ERC2: variants seen among roughly 807,000 people sequenced by gnomAD.
ERC2 encodes the protein ELKS/RAB6-interacting/CAST family member 2.
A neutral mutation model predicts 114.8 loss-of-function variants in ERC2; 42 were observed. The ratio of observed to expected loss-of-function variants is 0.37; its 90% CI spans 0.29 to 0.47. The LOEUF (loss-of-function observed/expected upper bound fraction) is 0.47, where lower values mean the gene tolerates loss of function less well. ERC2 is among the 20% of genes least tolerant of loss of function. ERC2 has a pLI of 0.99. For synonymous variants in ERC2, 454 were observed against 425.5 expected, an observed-to-expected ratio of 1.07 and a Z score of -0.82; for missense variants, 939 against 1,150.7, an observed-to-expected ratio of 0.82 and a Z score of 2.66.
At chr3:56,443,549 G>A (rs2062417689) in intron 1 of ERC2, among the ~76,000 whole-genome samples, 1 of 152,044 alleles carries the variant, frequency 6.6e-6, no homozygotes, top group South Asian at 2.1e-4. Flanking sequence ...GTTCCCCTAA[G>A]CCTCATAATT....
chr3:55,665,219 G>A (rs942704102), intron 17 of ERC2, among the ~76,000 whole-genome samples: 4 of 152,234 alleles, frequency 2.6e-5, no homozygotes, highest in Non-Finnish European at 4.4e-5. Flanking sequence ...TTCAAGCAGC[G>A]CTCTTTCCAC....
intron 1 of ERC2, among the ~76,000 whole-genome samples, chr3:56,459,163 C>G (rs1161507792): frequency 6.6e-6 from 1 of 152,188 alleles, no homozygotes; most frequent in Non-Finnish European, 1.5e-5. Context: ...CCACACCTAT[C>G]TTATTATAGA....
At chr3:56,413,095 G>C (rs945678305) in intron 2 of ERC2, among the ~76,000 whole-genome samples, 4 of 152,208 alleles carry the variant, frequency 2.6e-5, no homozygotes, top group Admixed American at 2.6e-4. Context: ...CCAGGACATT[G>C]ACTAGGACAT....
chr3:55,717,709 G>T (rs148937491), intron 15 of ERC2, among the ~76,000 whole-genome samples: 1 of 152,126 alleles, frequency 6.6e-6, no homozygotes, highest in African/African-American at 2.4e-5. Flanking sequence ...TGGAGAATGA[G>T]GCCTCTCCTT....
At position 55,950,428 on chromosome 3, in the gene ERC2, C is replaced by T; in HGVS notation, c.2400G>A (p.Leu800=). Residue 800 remains leucine (L), a synonymous_variant, in exon 13 of 18, where the codon TTG becomes TTA. Coordinates refer to ENST00000288221, the MANE Select transcript of ERC2 (RefSeq NM_015576.3). ...EDSMADNSQH[L]QIEELMNALE... is the part of the protein sequence containing the mutation. ...AAGAAGAGAAGCCTGTGCTTACCTG[C>T]AAATGCTGTGAGTTGTCAGCCATGC... The T allele has an allele frequency of 6.2e-7, 1 of 1,614,032 alleles. No individual in the cohort carries two copies. Among genetic ancestry groups the T allele is most frequent in the Non-Finnish European group, 8.5e-7 (1 of 1,179,892 alleles).
At chr3:55,904,808 T>C (rs1041342523) in intron 13 of ERC2, among the ~76,000 whole-genome samples, 1 of 152,210 alleles carries the variant, frequency 6.6e-6, no homozygotes, top group African/African-American at 2.4e-5. Flanking sequence ...TGGCATCTTC[T>C]CCTTCAATTT....
chr3:56,209,242 C>T (rs117227362), intron 3 of ERC2, among the ~76,000 whole-genome samples: 1 of 152,140 alleles, frequency 6.6e-6, no homozygotes, highest in Non-Finnish European at 1.5e-5. Flanking sequence ...ATCTGCACCC[C>T]TGCTCCACCT....
At chr3:55,826,426 A>C (rs2060329524) in intron 14 of ERC2, among the ~76,000 whole-genome samples, 1 of 152,214 alleles carries the variant, frequency 6.6e-6, no homozygotes, top group South Asian at 2.1e-4. Flanking sequence ...GTTGAAGCCT[A>C]TTTGACACTG....
intron 13 of ERC2, among the ~76,000 whole-genome samples, chr3:55,902,386 A>T (rs2149347058): frequency 6.6e-6 from 1 of 152,226 alleles, no homozygotes. Context: ...CCTCTCGGCG[A>T]TTACTGCGAC....
intron 3 of ERC2, among the ~76,000 whole-genome samples, chr3:56,284,058 A>T (rs2054524363): frequency 6.6e-6 from 1 of 152,254 alleles, no homozygotes; most frequent in Admixed American, 6.5e-5. Flanking sequence ...CTGGCAGTTG[A>T]AATCTTCCCA....
chr3:56,099,963 C>A, intron 6 of ERC2, among the ~76,000 whole-genome samples: 1 of 152,050 alleles, frequency 6.6e-6, no homozygotes. Flanking sequence ...TTCCAGAGAA[C>A]CAGCTCTACG....
At chr3:56,140,489 T>A (rs1044832316) in intron 5 of ERC2, among the ~76,000 whole-genome samples, 2 of 152,318 alleles carry the variant, frequency 1.3e-5, no homozygotes, top group African/African-American at 4.8e-5. Context: ...TAAATCACAA[T>A]GTTGTACATA....
At chr3:56,279,097 T>C (rs1394766130) in intron 3 of ERC2, among the ~76,000 whole-genome samples, 1 of 152,204 alleles carries the variant, frequency 6.6e-6, no homozygotes, top group East Asian at 1.9e-4. Context: ...AGAAACCCTC[T>C]GCCTGATTTT....
At chr3:56,162,195 G>T (rs1265448220) in intron 4 of ERC2, among the ~76,000 whole-genome samples, 1 of 152,108 alleles carries the variant, frequency 6.6e-6, no homozygotes, top group African/African-American at 2.4e-5. Context: ...TTATTGATTT[G>T]CATATATTGA....
intron 7 of ERC2, among the ~76,000 whole-genome samples, chr3:56,039,339 A>G (rs2074994454): frequency 6.6e-6 from 1 of 152,212 alleles, no homozygotes; most frequent in Non-Finnish European, 1.5e-5. Context: ...AATCAGTAGC[A>G]TCTCTATATA....
intron 3 of ERC2, among the ~76,000 whole-genome samples, chr3:56,213,872 C>G (rs922127797): frequency 6.6e-6 from 1 of 152,152 alleles, no homozygotes; most frequent in Non-Finnish European, 1.5e-5. Flanking sequence ...GCAGCCTCCA[C>G]TGCTGATACC....
Position 56,227,817 on chromosome 3 carries a change from C to T in ERC2, c.1075-54297G>A, listed in dbSNP as rs112476001. Among the ~76,000 whole-genome samples, 425 of 152,286 alleles carry T rather than the reference C, an allele frequency of 2.8e-3. 1 individual carries two copies. The highest frequency in any genetic ancestry group is 9.9e-3 in the African/African-American group (411 of 41,560). On this transcript the variant is annotated intron_variant, in intron 3 of 17. Coordinates refer to ENST00000288221, the MANE Select transcript of ERC2 (RefSeq NM_015576.3). ...GAGCGAAGATGTCCACCAAAAGATA[C>T]GCACAAGAATGCTCATAGCAGCACT...
intron 14 of ERC2, among the ~76,000 whole-genome samples, chr3:55,781,401 A>G (rs915951135): frequency 6.6e-6 from 1 of 152,124 alleles, no homozygotes; most frequent in Non-Finnish European, 1.5e-5. Context: ...ACCTTCCTGG[A>G]CTTCTCCATA....
chr3:56,065,481 G>A (rs1439466254), intron 7 of ERC2, among the ~76,000 whole-genome samples: 1 of 151,376 alleles, frequency 6.6e-6, no homozygotes, highest in Non-Finnish European at 1.5e-5. Context: ...CTCAGCCACC[G>A]TGCCCAGCCT....
Sources: gnomAD v4.1 joint callset for allele counts (sites outside exome capture counted in the v4.1 genomes callset) on GRCh38, gnomAD v4.1.1 for gene constraint, MANE v1.5 for transcripts, NCBI Gene and HGNC (gene_info 2026-07-23, HGNC 2026-07-21) for gene names.